The following DIP2C variants were observed in gnomAD, a reference collection of about 807,000 sequenced individuals.
DIP2C encodes the protein disco-interacting protein 2 homolog C.
Under a neutral mutation model 192.4 loss-of-function variants are expected in DIP2C, and 33 were observed. That is an observed-to-expected ratio of 0.17 (90% CI 0.13 to 0.23). The LOEUF is 0.23. DIP2C is among the 10% of genes least tolerant of loss of function. The pLI is 1.00. For missense variants in DIP2C, 1,537 were observed against 2,110.1 expected, an observed-to-expected ratio of 0.73 and a Z score of 5.32; for synonymous variants, 979 against 864.1, an observed-to-expected ratio of 1.13 and a Z score of -2.33.
At chr10:494,244 A>G (rs1844653398) in intron 1 of DIP2C, among the ~76,000 whole-genome samples, 1 of 152,174 alleles carries the variant, frequency 6.6e-6, no homozygotes, top group Admixed American at 6.5e-5. Flanking sequence ...TAACCTCAGT[A>G]AACACAAAAG....
At chr10:640,760 G>A (rs565092456) in intron 1 of DIP2C, among the ~76,000 whole-genome samples, 54 of 147,860 alleles carry the variant, frequency 3.7e-4, no homozygotes, top group African/African-American at 1.3e-3. Flanking sequence ...GGTGGGCGCC[G>A]GGAAGAGGGT....
chr10:674,613 G>GA (rs1449912575), intron 1 of DIP2C, among the ~76,000 whole-genome samples: 1 of 151,628 alleles, frequency 6.6e-6, no homozygotes, highest in Non-Finnish European at 1.5e-5. Flanking sequence ...CTACTAAATA[G>GA]AAAAAATTAA....
At chr10:282,684 T>C (rs1243907666) in intron 35 of DIP2C, among the ~76,000 whole-genome samples, 1 of 152,232 alleles carries the variant, frequency 6.6e-6, no homozygotes, top group Non-Finnish European at 1.5e-5. Context: ...CACCCTGCTC[T>C]CCTCTGATGG....
At chr10:663,352 G>T (rs1461133801) in intron 1 of DIP2C, 1 of 160,840 alleles carries the variant, frequency 6.2e-6, no homozygotes, top group Admixed American at 6.3e-5. Flanking sequence ...TAGCTGCCCT[G>T]TCCATCCCAG....
chr10:319,875 T>A (rs934818344), intron 31 of DIP2C, among the ~76,000 whole-genome samples: 1 of 152,214 alleles, frequency 6.6e-6, no homozygotes, highest in Non-Finnish European at 1.5e-5. Context: ...TCATCTCTCA[T>A]CTTAAAACAA....
chr10:496,373 T>A, intron 1 of DIP2C, among the ~76,000 whole-genome samples: 1 of 120,924 alleles, frequency 8.3e-6, no homozygotes, highest in African/African-American at 4.1e-5. Flanking sequence ...ACATTACTCT[T>A]AATACCCCAA....
intron 1 of DIP2C, among the ~76,000 whole-genome samples, chr10:519,277 T>C (rs1249243369): frequency 6.6e-6 from 1 of 152,154 alleles, no homozygotes; most frequent in Non-Finnish European, 1.5e-5. Context: ...TGCCAACAGC[T>C]GTAAGGGGAC....
chr10:362,404 C>T (rs1196168226), intron 22 of DIP2C, 86 bp downstream of exon 22: 3 of 1,470,692 alleles, frequency 2.0e-6, no homozygotes, highest in Non-Finnish European at 2.8e-6. Context: ...CTGCAAGCAG[C>T]CCTGGGTGAA....
intron 1 of DIP2C, among the ~76,000 whole-genome samples, chr10:582,963 A>T (rs1850761584): frequency 6.6e-6 from 1 of 152,234 alleles, no homozygotes; most frequent in African/African-American, 2.4e-5. Context: ...GAAAATGGGG[A>T]AGACTAATTT....
At chr10:432,511 G>C (rs1966871941) in intron 4 of DIP2C, among the ~76,000 whole-genome samples, 1 of 152,112 alleles carries the variant, frequency 6.6e-6, no homozygotes, top group Non-Finnish European at 1.5e-5. Flanking sequence ...ATGTCCATGG[G>C]ACCTGTAGTT....
rs1345936245 is a variant in DIP2C at position 486,480 on chromosome 10, C to T, written c.136G>A (p.Ala46Thr). The T allele has an allele frequency of 1.9e-6, 3 of 1,603,440 alleles. No homozygotes were observed. The highest frequency in any genetic ancestry group is 1.7e-5 in the Admixed American group (1 of 58,304). ...YEKKRSKLIG[A>T]YLPQPPRVDQ... ...CTACTCGGAGGCTGCGGAAGGTAGGCTCCAATTAACTTTGACCTCTTCTTT... is the reference window on the plus strand; with the variant it reads ...CTACTCGGAGGCTGCGGAAGGTAGGTTCCAATTAACTTTGACCTCTTCTTT... The change falls in exon 2 of 37, where the codon GCC becomes ACC. Residue 46 changes from alanine (A) to threonine (T), a missense_variant. Ala to Thr is a moderately conservative substitution (Grantham distance 58, BLOSUM62 0). Transcript: ENST00000280886.
chr10:423,469 G>C lies in DIP2C; in HGVS notation c.395-436C>G, dbSNP rs374192565. On this transcript the variant is annotated intron_variant, in intron 4 of 36. Coordinates refer to ENST00000280886, the MANE Select transcript of DIP2C (RefSeq NM_014974.3). The stretch of plus-strand genomic sequence containing the variant: ...GTCCTGAGATGTTCTTGTGGGCTCT[G>C]ATTTTTCTACTACATCGGTGTGTTA... Among the ~76,000 whole-genome samples, 21 of 152,320 alleles carry C rather than the reference G, an allele frequency of 1.4e-4. No individual in the cohort carries two copies. In the East Asian group the frequency reaches 1.7e-3, roughly 13 times the overall value.
intron 1 of DIP2C, among the ~76,000 whole-genome samples, chr10:580,524 TATGTACACATGTACATGCATGCCCATAGC>T (rs1467949838): frequency 3.3e-5 from 5 of 152,208 alleles, no homozygotes; most frequent in African/African-American, 1.2e-4. Context: ...GTTATGCACA[TATGTACACATGTACATGCATGCCCATAGC>T]ATGCACACAT....
At chr10:582,347 G>T (rs543972279) in intron 1 of DIP2C, among the ~76,000 whole-genome samples, 2 of 152,196 alleles carry the variant, frequency 1.3e-5, no homozygotes, top group Non-Finnish European at 2.9e-5. Flanking sequence ...GAGGTTCTCC[G>T]TAAAAACCCA....
At chr10:332,478 T>C (rs1030160357) in intron 29 of DIP2C, among the ~76,000 whole-genome samples, 3 of 152,216 alleles carry the variant, frequency 2.0e-5, no homozygotes, top group African/African-American at 7.2e-5. Flanking sequence ...CATGATTTCC[T>C]AATTGCCCTT....
chr10:519,649 C>CCA (rs1846573269), intron 1 of DIP2C, among the ~76,000 whole-genome samples: 1 of 152,262 alleles, frequency 6.6e-6, no homozygotes, highest in African/African-American at 2.4e-5. Context: ...ACCTACACTG[C>CCA]CACAGCCAGG....
At chr10:358,501 A>G (rs189462393) in intron 22 of DIP2C, among the ~76,000 whole-genome samples, 2 of 138,890 alleles carry the variant, frequency 1.4e-5, no homozygotes, top group Admixed American at 1.5e-4. Context: ...TCAGGCCCAC[A>G]GTGAGGTGTG....
chr10:638,995 C>T (rs1390983151), intron 1 of DIP2C, among the ~76,000 whole-genome samples: 1 of 152,240 alleles, frequency 6.6e-6, no homozygotes. Context: ...GGACGAGACA[C>T]GGAGCCCGCA....
chr10:657,454 ATG>A (rs1856435810), intron 1 of DIP2C, among the ~76,000 whole-genome samples: 1 of 2,668 alleles, frequency 3.7e-4, no homozygotes, highest in Non-Finnish European at 1.2e-3. Context: ...GCTGGACCTG[ATG>A]CTGGACCTGT....
Sources: gnomAD v4.1 joint callset for allele counts (sites outside exome capture counted in the v4.1 genomes callset) on GRCh38, gnomAD v4.1.1 for gene constraint, MANE v1.5 for transcripts, NCBI Gene and HGNC (gene_info 2026-07-23, HGNC 2026-07-21) for gene names.